The following PLPPR1 variants were observed in gnomAD, a reference collection of about 807,000 sequenced individuals.
PLPPR1 encodes the protein phospholipid phosphatase related 1, also known as phospholipid phosphatase-related protein type 1.
PLPPR1 carries 10 observed loss-of-function variants against 33.1 expected under a neutral mutation model. The observed-to-expected ratio is 0.30, with a 90% CI of 0.19 to 0.51. PLPPR1 has a LOEUF of 0.51. Among genes scored for constraint, PLPPR1 ranks in the 20% least tolerant of loss-of-function variants. PLPPR1 has a pLI of 0.97. For synonymous variants in PLPPR1, 151 were observed against 151.0 expected (o/e 1.00, Z 0.00); for missense variants, 304 against 408.1 (o/e 0.74, Z 2.20).
intron 1 of PLPPR1, among the ~76,000 whole-genome samples, chr9:101,118,806 AT>A (rs1033518085): frequency 2.7e-5 from 4 of 150,256 alleles, no homozygotes; most frequent in East Asian, 2.0e-4. Flanking sequence ...CTTATTTTTT[AT>A]TTTTTTTCTA....
chr9:101,170,118 G>A (rs552848681), intron 1 of PLPPR1, among the ~76,000 whole-genome samples: 81 of 152,170 alleles, frequency 5.3e-4, no homozygotes, highest in African/African-American at 1.9e-3. Context: ...TATGTGCCAA[G>A]CACTGTATGA....
chr9:101,076,011 G>T (rs1437043397), intron 1 of PLPPR1, among the ~76,000 whole-genome samples: 1 of 152,144 alleles, frequency 6.6e-6, no homozygotes, highest in Non-Finnish European at 1.5e-5. Context: ...GGGGCACGCG[G>T]GAGAGTGTCA....
intron 2 of PLPPR1, among the ~76,000 whole-genome samples, chr9:101,244,274 T>C (rs1827539031): frequency 6.6e-6 from 1 of 151,892 alleles, no homozygotes; most frequent in Non-Finnish European, 1.5e-5. Flanking sequence ...GCAGTAAAAA[T>C]TTAAAAGAAA....
At chr9:101,217,964 A>T (rs1826838064) in intron 2 of PLPPR1, among the ~76,000 whole-genome samples, 1 of 152,190 alleles carries the variant, frequency 6.6e-6, no homozygotes, top group South Asian at 2.1e-4. Flanking sequence ...AGAATTATTT[A>T]AAAAGACACT....
chr9:101,123,802 G>A (rs1831206963), intron 1 of PLPPR1, among the ~76,000 whole-genome samples: 2 of 152,120 alleles, frequency 1.3e-5, no homozygotes, highest in African/African-American at 4.8e-5. Context: ...ACGAGCCCTG[G>A]ATTCTATCCA....
At chr9:101,127,643 C>G (rs796155453) in intron 1 of PLPPR1, among the ~76,000 whole-genome samples, 1 of 152,156 alleles carries the variant, frequency 6.6e-6, no homozygotes, top group South Asian at 2.1e-4. Context: ...TCCAGAGCCA[C>G]GAGCCCTGGA....
In PLPPR1 at chr9:101,054,148, C is replaced by T. The variant is rs78397219; in HGVS notation, c.-46+25046C>T. 4.6e-3 allele frequency among the ~76,000 whole-genome samples: 707 copies of T among 152,214 alleles called. 9 individuals carry two copies. Among genetic ancestry groups the T allele is most frequent in the African/African-American group, 0.015 (640 of 41,540 alleles). On this transcript the variant is annotated intron_variant, in intron 1 of 7. Coordinates refer to ENST00000374874, the MANE Select transcript of PLPPR1 (RefSeq NM_207299.2). ...GCAGTGAGCTGAGATAGAGCCACTG[C>T]ACGCCAGCCTGGGTGACAGAGCAAG...
Position 101,180,246 on chromosome 9 carries a change from CTGAT to C in PLPPR1, c.-45-5198_-45-5195del, listed in dbSNP as rs142252450. Among the ~76,000 whole-genome samples the C allele has an allele frequency of 3.3e-3, 494 of 148,464 alleles. 4 individuals carry two copies. The highest frequency in any genetic ancestry group is 0.012 in the African/African-American group (472 of 40,440). ...CACACACACATACATTCCATTAATT[CTGAT>C]TGATTATGTCCCTCTGGAAAACCCT... On this transcript the variant is annotated intron_variant, in intron 1 of 7. Transcript: ENST00000374874.
At chr9:101,039,616 T>G (rs1025524792) in intron 1 of PLPPR1, among the ~76,000 whole-genome samples, 1 of 152,128 alleles carries the variant, frequency 6.6e-6, no homozygotes, top group Non-Finnish European at 1.5e-5. Context: ...GGAAAGAGGT[T>G]TAATGGAGAA....
At chr9:101,268,510 C>G (rs1346868365) in intron 2 of PLPPR1, among the ~76,000 whole-genome samples, 1 of 152,122 alleles carries the variant, frequency 6.6e-6, no homozygotes, top group Non-Finnish European at 1.5e-5. Context: ...CCTCCCCCAT[C>G]ACTCTCTACC....
chr9:101,041,310 T>C (rs1367775583), intron 1 of PLPPR1, among the ~76,000 whole-genome samples: 1 of 152,144 alleles, frequency 6.6e-6, no homozygotes, highest in South Asian at 2.1e-4. Context: ...GCAATTCATA[T>C]GGAAGAAGAT....
intron 2 of PLPPR1, among the ~76,000 whole-genome samples, chr9:101,266,415 AG>A (rs1367706014): frequency 4.0e-5 from 6 of 150,486 alleles, no homozygotes; most frequent in Middle Eastern, 3.2e-3. Context: ...AAAGAAAGAA[AG>A]AAAGAAAGAA....
chr9:101,202,530 T>C (rs1826513269), intron 2 of PLPPR1, among the ~76,000 whole-genome samples: 1 of 152,224 alleles, frequency 6.6e-6, no homozygotes, highest in Non-Finnish European at 1.5e-5. Context: ...AGCATATGCT[T>C]GTCTTAGACT....
At chr9:101,218,155 A>G (rs190129840) in intron 2 of PLPPR1, among the ~76,000 whole-genome samples, 3 of 152,302 alleles carry the variant, frequency 2.0e-5, no homozygotes, top group African/African-American at 4.8e-5. Context: ...GGAAGAATAC[A>G]CTATTCTTGA....
At chr9:101,069,675 T>C (rs1452344569) in intron 1 of PLPPR1, among the ~76,000 whole-genome samples, 2 of 152,144 alleles carry the variant, frequency 1.3e-5, no homozygotes, top group African/African-American at 4.8e-5. Flanking sequence ...AGTTCCCTAG[T>C]TGGTTCCAAT....
chr9:101,113,474 A>G (rs1186913118), intron 1 of PLPPR1, among the ~76,000 whole-genome samples: 1 of 152,184 alleles, frequency 6.6e-6, no homozygotes. Context: ...AAGATGAACC[A>G]GAAAATTTAT....
At chr9:101,238,674 T>C (rs1827384997) in intron 2 of PLPPR1, among the ~76,000 whole-genome samples, 1 of 151,692 alleles carries the variant, frequency 6.6e-6, no homozygotes. Flanking sequence ...AAATTACCTG[T>C]TGGGTGCAAT....
At chr9:101,309,168 C>CA in intron 4 of PLPPR1, 43 bp from the exon 5 acceptor site, 1 of 1,604,850 alleles carries the variant, frequency 6.2e-7, no homozygotes, top group East Asian at 2.2e-5. Flanking sequence ...ATGCAATTGA[C>CA]AGAGTATGTT....
Position 101,251,811 on chromosome 9 carries a change from G to A in PLPPR1, c.64-18069G>A, listed in dbSNP as rs149337778. Among the ~76,000 whole-genome samples the A allele has an allele frequency of 4.9e-3, 752 of 152,162 alleles. 3 individuals are homozygous for A. The highest frequency in any genetic ancestry group is 7.7e-3 in the Non-Finnish European group (520 of 67,972). On this transcript the variant is annotated intron_variant, in intron 2 of 7. Transcript: ENST00000374874. ...TGTCTCTGTACTGATATAGAAGGATGGTTGGTCACAATGTATTGTTGAGAG... is the reference window on the plus strand; with the variant it reads ...TGTCTCTGTACTGATATAGAAGGATAGTTGGTCACAATGTATTGTTGAGAG...
Sources: allele counts gnomAD v4.1 joint callset (sites outside exome capture counted in the v4.1 genomes callset), GRCh38; gene constraint gnomAD v4.1.1; transcripts MANE v1.5; gene names NCBI Gene and HGNC (gene_info 2026-07-23, HGNC 2026-07-21).